The following MLXIP variants were observed in gnomAD, a reference collection of about 807,000 sequenced individuals.
The protein encoded by MLXIP is MLX interacting protein.
MLXIP carries 30 observed loss-of-function variants against 87.2 expected under a neutral mutation model. The observed-to-expected ratio is 0.34, with a 90% CI of 0.26 to 0.47. MLXIP has a LOEUF of 0.47. MLXIP is among the 20% of genes least tolerant of loss of function. MLXIP has a pLI of 1.00. For synonymous variants in MLXIP, 530 were observed against 514.0 expected, an observed-to-expected ratio of 1.03 and a Z score of -0.42; for missense variants, 1,002 against 1,240.1, an observed-to-expected ratio of 0.81 and a Z score of 2.88.
At chr12:122,102,288 AGAC>A (rs1359857230) in intron 1 of MLXIP, among the ~76,000 whole-genome samples, 1 of 152,242 alleles carries the variant, frequency 6.6e-6, no homozygotes, top group Non-Finnish European at 1.5e-5. Context: ...GGACTTGAAT[AGAC>A]ATTTTTCCAA....
chr12:122,081,507 G>A (rs1952090383), intron 1 of MLXIP, among the ~76,000 whole-genome samples: 1 of 152,148 alleles, frequency 6.6e-6, no homozygotes, highest in Admixed American at 6.5e-5. Context: ...CTGCTACCTG[G>A]CTTTCAGGGA....
chr12:122,137,234 G>C lies in MLXIP; in HGVS notation c.2033-235G>C. 1 of 376,128 alleles carries C rather than the reference G, an allele frequency of 2.7e-6. No homozygotes were observed. The highest frequency in any genetic ancestry group is 4.7e-6 in the Non-Finnish European group (1 of 213,332). 23.3% of individuals were successfully genotyped at this position (376,128 alleles called of 1,614,324 possible). ...CCAGTGACTGGAACACGTCACACAG[G>C]GTTGCTCCATCGTGTTCTGTGTGGA... On this transcript the variant is annotated intron_variant, in intron 11 of 16. Transcript: ENST00000319080. The surrounding 1 kb of genome is among the most constrained non-coding windows in gnomAD (Gnocchi z 4.1).
Position 122,130,139 on chromosome 12 carries a change from T to C in MLXIP, c.910+27T>C, listed in dbSNP as rs1434651469. On this transcript the variant is annotated intron_variant, in intron 6 of 16. Coordinates refer to ENST00000319080, the MANE Select transcript of MLXIP (RefSeq NM_014938.6). The stretch of plus-strand genomic sequence containing the variant: ...TAACCCAAACCAGGGCCTTGGGCTT[T>C]GAACAGCCAGCCGCTTCCTTCTCTG... 4 of 1,599,042 alleles carry C rather than the reference T, an allele frequency of 2.5e-6. No individual in the cohort carries two copies. In the Admixed American group the frequency reaches 6.9e-5, roughly 28 times the overall value.
rs1304182230 is a variant in MLXIP, at chr12:122,144,590, TAAAAG to T, written c.*2783_*2787del. ...GACAGAGTGAAACCCTGCCTCTAAA[TAAAAG>T]AAAATAGAGGCAGACTGTGGTGGCT... is the stretch of plus-strand genomic sequence containing the variant. On this transcript the variant is annotated 3_prime_UTR_variant, in exon 17 of 17. Coordinates refer to ENST00000319080, the MANE Select transcript of MLXIP (RefSeq NM_014938.6). 6.7e-6 allele frequency: 1 copy of T among 150,050 alleles called. No homozygotes were observed. Among genetic ancestry groups the T allele is most frequent in the African/African-American group, 2.5e-5 (1 of 40,688 alleles). The allele number at this position is 150,050 out of a possible 1,614,324, so 9.3% of individuals were successfully genotyped here.
Position 122,142,358 on chromosome 12 carries a change from T to G in MLXIP, c.*546T>G. The G allele has an allele frequency of 1.7e-6, 1 of 578,150 alleles. No individual in the cohort carries two copies. Among genetic ancestry groups the G allele is most frequent in the Non-Finnish European group, 3.3e-6 (1 of 305,548 alleles). The allele number at this position is 578,150 out of a possible 1,614,324, so 35.8% of individuals were successfully genotyped here. A position where few individuals can be genotyped will look rare whatever the true frequency, so the allele number is the denominator to read the frequency against. On this transcript the variant is annotated 3_prime_UTR_variant, in exon 17 of 17. Transcript: ENST00000319080. ...CTTGTGGATGGACTTGGGCTTCTAT[T>G]CAGGCTTATGCATGGCAGGCTGCCA...
intron 1 of MLXIP, among the ~76,000 whole-genome samples, chr12:122,087,996 C>T (rs1302607574): frequency 6.6e-6 from 1 of 152,204 alleles, no homozygotes; most frequent in Non-Finnish European, 1.5e-5. Flanking sequence ...AGCTGTGAAG[C>T]TGGGGTATGT....
At chr12:122,140,143 G>A (rs1463802206) in intron 15 of MLXIP, among the ~76,000 whole-genome samples, 2 of 152,218 alleles carry the variant, frequency 1.3e-5, no homozygotes, top group East Asian at 1.9e-4. Flanking sequence ...TCATCAGGCC[G>A]AGGTGGAGGA....
chr12:122,135,855 G>A lies in MLXIP; in HGVS notation c.2032+189G>A. 1 of 720,854 alleles carries A rather than the reference G, an allele frequency of 1.4e-6. No individual in the cohort carries two copies. Among genetic ancestry groups the A allele is most frequent in the Non-Finnish European group, 2.1e-6 (1 of 472,208 alleles). The allele number at this position is 720,854 out of a possible 1,614,324, so 44.7% of individuals were successfully genotyped here. On this transcript the variant is annotated intron_variant, in intron 11 of 16. Transcript: ENST00000319080. The surrounding 1 kb of genome is among the most constrained non-coding windows in gnomAD (Gnocchi z 5.3). ...TGTGGGTGGCAGGATGAAATGTGGT[G>A]GCACTGGCAGGGCAAAAAGTAGTGA...
intron 1 of MLXIP, among the ~76,000 whole-genome samples, chr12:122,115,294 A>G (rs60746592): frequency 0.042 from 6,457 of 152,066 alleles, 421 homozygotes; most frequent in African/African-American, 0.15. Flanking sequence ...ATTCTAAAGA[A>G]AAACCAGTAG....
intron 1 of MLXIP, among the ~76,000 whole-genome samples, chr12:122,089,898 G>T (rs1806180359): frequency 1.3e-5 from 2 of 152,194 alleles, no homozygotes; most frequent in African/African-American, 4.8e-5. Flanking sequence ...CTTACAGGAT[G>T]AGAAGAAGGA....
Position 122,145,413 on chromosome 12 carries a change from G to A in MLXIP, c.*3601G>A, listed in dbSNP as rs1424546737. 1 of 152,280 alleles carries A rather than the reference G, an allele frequency of 6.6e-6. No homozygotes were observed. The highest frequency in any genetic ancestry group is 1.5e-5 in the Non-Finnish European group (1 of 68,078). 9.4% of individuals were successfully genotyped at this position (152,280 alleles called of 1,614,324 possible). The stretch of plus-strand genomic sequence containing the variant: ...AAGAGGATGTAAATTTGGATTCTTA[G>A]AGGGCATGGCACCCCCAGTCCCTGC... On this transcript the variant is annotated 3_prime_UTR_variant, in exon 17 of 17. Transcript: ENST00000319080.
chr12:122,135,649 T>C lies in MLXIP; in HGVS notation c.2015T>C (p.Val672Ala), dbSNP rs1395625373. The change falls in exon 11 of 17, where the codon GTC (valine) becomes GCC (alanine). Residue 672 changes from valine (V) to alanine (A), a missense_variant. This residue lies in a region of MLXIP where 746 missense variants were observed against 897.0 expected (regional missense o/e 0.83). Coordinates refer to ENST00000319080, the MANE Select transcript of MLXIP (RefSeq NM_014938.6). This position sits in a 1 kb window ranked among gnomAD's most constrained non-coding sequence, Gnocchi z 5.3. ...CCGCTGCATGGGGGCAGCCCCCAGG[T>C]CACTGTCACAGGGCCCAGTGAGTGT... The part of the protein sequence containing the change: ...QVPLHGGSPQ[V>A]TVTGPSRDCP... 6 of 1,522,632 alleles carry C rather than the reference T, an allele frequency of 3.9e-6. No homozygotes were observed. The African/African-American group carries it at 8.3e-5, about 21-fold the overall frequency. The allele number at this position is 1,522,632 out of a possible 1,614,324, so 94.3% of individuals were successfully genotyped here. A position where few individuals can be genotyped will look rare whatever the true frequency, so the allele number is the denominator to read the frequency against.
chr12:122,080,943 G>A (rs191718908), intron 1 of MLXIP, among the ~76,000 whole-genome samples: 164 of 152,212 alleles, frequency 1.1e-3, no homozygotes, highest in Non-Finnish European at 1.8e-3. Flanking sequence ...GGAGAGAATG[G>A]ATGAGTCACG....
intron 4 of MLXIP, 79 bp downstream of exon 4, chr12:122,129,305 G>A (rs577339358): frequency 5.7e-4 from 747 of 1,310,062 alleles, no homozygotes; most frequent in Non-Finnish European, 5.0e-4. Context: ...TGGCCGAGGC[G>A]GTAGGCTCCA....
intron 1 of MLXIP, among the ~76,000 whole-genome samples, chr12:122,107,901 T>TG (rs1426613756): frequency 6.6e-6 from 1 of 151,754 alleles, no homozygotes. Context: ...GATTGGAAGG[T>TG]GGGGGGTTGC....
chr12:122,086,667 G>C (rs1281861245), intron 1 of MLXIP, among the ~76,000 whole-genome samples: 1 of 152,126 alleles, frequency 6.6e-6, no homozygotes, highest in Admixed American at 6.6e-5. Flanking sequence ...GCCACAGGGT[G>C]TGTGTTTTTG....
At position 122,116,053 on chromosome 12, in the gene MLXIP, AACACAC is replaced by A. The variant is rs138548664; in HGVS notation, c.414-11173_414-11168del. The stretch of plus-strand genomic sequence containing the variant: ...GTGACAGAGCGAGACTCCATCTGAA[AACACAC>A]ACACACACACACACACACACACACA... On this transcript the variant is annotated intron_variant, in intron 1 of 16. Transcript: ENST00000319080. Among the ~76,000 whole-genome samples the A allele has an allele frequency of 4.6e-3, 681 of 147,326 alleles. 3 individuals carry two copies. The highest frequency in any genetic ancestry group is 0.01 in the Middle Eastern group (3 of 290).
Position 122,142,628 on chromosome 12 carries a change from C to T in MLXIP, c.*816C>T. 3.6e-6 allele frequency: 1 copy of T among 278,638 alleles called. No individual in the cohort carries two copies. The highest frequency in any genetic ancestry group is 3.8e-5 in the South Asian group (1 of 26,188). The allele number at this position is 278,638 out of a possible 1,614,324, so 17.3% of individuals were successfully genotyped here. A position where few individuals can be genotyped will look rare whatever the true frequency, so the allele number is the denominator to read the frequency against. On this transcript the variant is annotated 3_prime_UTR_variant, in exon 17 of 17. Coordinates refer to ENST00000319080, the MANE Select transcript of MLXIP (RefSeq NM_014938.6). ...GTGGCCCTTCTGCCGTTCTTCTCCA[C>T]TTGGCTCCAGCTGCAGCTGTTGACA...
Position 122,144,140 on chromosome 12 carries a change from A to G in MLXIP, c.*2328A>G, listed in dbSNP as rs931600582. ...GACCTCTGTCCTGGGCTCCTGGGCC[A>G]GGTGCAGGAACATCTGAGGCCACTC... is the stretch of plus-strand genomic sequence containing the variant. On this transcript the variant is annotated 3_prime_UTR_variant, in exon 17 of 17. Coordinates refer to ENST00000319080, the MANE Select transcript of MLXIP (RefSeq NM_014938.6). The G allele has an allele frequency of 6.5e-6, 1 of 152,706 alleles. No homozygotes were observed. The highest frequency in any genetic ancestry group is 1.5e-5 in the Non-Finnish European group (1 of 68,078). 9.5% of individuals were successfully genotyped at this position (152,706 alleles called of 1,614,324 possible).
Sources: allele counts gnomAD v4.1 joint callset (sites outside exome capture counted in the v4.1 genomes callset), GRCh38; gene constraint gnomAD v4.1.1; regional missense constraint gnomAD v4.1.1; non-coding constraint Gnocchi (gnomAD v3.1); transcripts MANE v1.5; gene names NCBI Gene and HGNC (gene_info 2026-07-23, HGNC 2026-07-21).